Variants in SNTB2 observed in about 807,000 individuals in gnomAD.
SNTB2 encodes beta-2-syntrophin.
Under a neutral mutation model 46.2 loss-of-function variants are expected in SNTB2, and 34 were observed. The ratio of observed to expected loss-of-function variants is 0.74; its 90% confidence interval spans 0.56 to 0.98. The LOEUF (loss-of-function observed/expected upper bound fraction) is 0.98. Among genes scored for constraint, SNTB2 ranks in the 50% least tolerant of loss-of-function variants. The pLI, the probability that SNTB2 is intolerant of heterozygous loss-of-function variation, is 0.00. For missense variants in SNTB2, 603 were observed against 731.4 expected (o/e 0.82, Z 2.02); for synonymous variants, 290 against 312.6 (o/e 0.93, Z 0.76).
chr16:69,283,542 A>AT (rs1318394698), intron 4 of SNTB2, among the ~76,000 whole-genome samples: 1 of 152,304 alleles, frequency 6.6e-6, no homozygotes, highest in African/African-American at 2.4e-5. Flanking sequence ...TGATGCTAAA[A>AT]ATATATATAT....
chr16:69,282,306 CA>C (rs751287865), intron 4 of SNTB2, among the ~76,000 whole-genome samples: 208 of 112,888 alleles, frequency 1.8e-3, no homozygotes, highest in Non-Finnish European at 2.1e-3. Context: ...ACTAAAAATA[CA>C]AAAAAAAAAA....
At chr16:69,241,138 G>A (rs991410792) in intron 1 of SNTB2, among the ~76,000 whole-genome samples, 2 of 144,680 alleles carry the variant, frequency 1.4e-5, no homozygotes, top group Admixed American at 1.4e-4. Context: ...GGGATTACAG[G>A]TATGAGCCAC....
At chr16:69,188,186 C>CG (rs1964013799) in intron 1 of SNTB2, among the ~76,000 whole-genome samples, 1 of 151,644 alleles carries the variant, frequency 6.6e-6, no homozygotes, top group African/African-American at 2.4e-5. Flanking sequence ...GCGGTATGCT[C>CG]GGGCAAACCA....
At chr16:69,214,777 T>C (rs1473589567) in intron 1 of SNTB2, among the ~76,000 whole-genome samples, 1 of 152,026 alleles carries the variant, frequency 6.6e-6, no homozygotes, top group Non-Finnish European at 1.5e-5. Context: ...TCCACCCATC[T>C]CAGCCTCCCA....
intron 1 of SNTB2, among the ~76,000 whole-genome samples, chr16:69,244,332 A>C (rs1437651059): frequency 1.3e-5 from 2 of 152,226 alleles, no homozygotes; most frequent in African/African-American, 2.4e-5. Context: ...ATATACACGC[A>C]TGTGTATGTG....
rs71148976 is a variant in SNTB2 at position 69,251,468 on chromosome 16, T to TAA, written c.794+5677_794+5678dup. 3.7e-3 allele frequency among the ~76,000 whole-genome samples: 396 copies of TAA among 106,114 alleles called. 2 individuals carry two copies. The highest frequency in any genetic ancestry group is 0.011 in the African/African-American group (309 of 26,932). 69.6% of individuals were successfully genotyped at this position (106,114 alleles called of 152,430 possible). A position where few individuals can be genotyped will look rare whatever the true frequency, so the allele number is the denominator to read the frequency against. ...TTGCTGGATAGGTGCATGTTTAGTT[T>TAA]AAAAAAAAAAAAAAAAAAAAAAAAA... On this transcript the variant is annotated intron_variant, in intron 2 of 6. Transcript: ENST00000336278.
intron 2 of SNTB2, among the ~76,000 whole-genome samples, chr16:69,251,270 A>G (rs71384741): frequency 0.28 from 41,578 of 150,474 alleles, 6,364 homozygotes; most frequent in African/African-American, 0.4. Flanking sequence ...GAGCCACTGC[A>G]CCCGGCCTTG....
chr16:69,294,564 A>G (rs1341618293), intron 5 of SNTB2, among the ~76,000 whole-genome samples: 1 of 147,568 alleles, frequency 6.8e-6, no homozygotes, highest in East Asian at 2.0e-4. Context: ...TCTCTACTGA[A>G]AAAAAAAAAA....
intron 4 of SNTB2, among the ~76,000 whole-genome samples, chr16:69,278,617 G>A (rs957684866): frequency 1.3e-5 from 2 of 152,008 alleles, no homozygotes; most frequent in African/African-American, 2.4e-5. Context: ...CACCATGCCC[G>A]GCTAATTTTT....
intron 1 of SNTB2, among the ~76,000 whole-genome samples, chr16:69,212,333 T>G (rs1457345651): frequency 6.9e-6 from 1 of 144,760 alleles, no homozygotes; most frequent in East Asian, 1.9e-4. Context: ...TGTTTGTATT[T>G]ATTTATTTAT....
intron 4 of SNTB2, among the ~76,000 whole-genome samples, chr16:69,276,863 G>C (rs1347919811): frequency 6.6e-6 from 1 of 151,480 alleles, no homozygotes; most frequent in East Asian, 1.9e-4. Flanking sequence ...GACTTGCAGA[G>C]GGAAAAAAAA....
chr16:69,245,837 C>T, intron 2 of SNTB2, 22 bp downstream of exon 2: 1 of 1,606,452 alleles, frequency 6.2e-7, no homozygotes, highest in Non-Finnish European at 8.5e-7. Context: ...CTAACAAGAA[C>T]ATCATACCTA....
At chr16:69,268,961 GGAGTTT>G (rs1567411165) in intron 3 of SNTB2, among the ~76,000 whole-genome samples, 2 of 151,356 alleles carry the variant, frequency 1.3e-5, no homozygotes, top group African/African-American at 2.4e-5. Flanking sequence ...TCTAAGATCA[GGAGTTT>G]GAGACCAGCC....
intron 5 of SNTB2, among the ~76,000 whole-genome samples, chr16:69,288,102 T>C (rs1965123300): frequency 6.6e-6 from 1 of 152,056 alleles, no homozygotes. Flanking sequence ...ACTGGGATGC[T>C]CTGTGTTCCT....
chr16:69,187,176 G>GCTGCGGCGA lies in SNTB2; in HGVS notation c.19_27dup (p.Thr7_Ala9dup), dbSNP rs771173459. ...AGGCTGCCTGACTGGAATGAGGGTA[G>GCTGCGGCGA]CTGCGGCGACTGCGGCGGCTGGAGC... is the stretch of plus-strand genomic sequence containing the variant. On this transcript the variant is annotated inframe_insertion, in exon 1 of 7. Transcript: ENST00000336278. 12 of 1,373,248 alleles carry GCTGCGGCGA rather than the reference G, an allele frequency of 8.7e-6. No individual in the cohort carries two copies. Among genetic ancestry groups the GCTGCGGCGA allele is most frequent in the Middle Eastern group, 2.6e-4 (1 of 3,826 alleles). 85.1% of individuals were successfully genotyped at this position (1,373,248 alleles called of 1,614,324 possible).
In SNTB2 at chr16:69,263,207, A is replaced by G. The variant is rs866263129; in HGVS notation, c.1005+2947A>G. Among the ~76,000 whole-genome samples, 13 of 151,754 alleles carry G rather than the reference A, an allele frequency of 8.6e-5. No individual in the cohort carries two copies. The South Asian group carries it at 2.5e-3, about 29-fold the overall frequency. Reference sequence around the variant, plus strand: ...GTGCAGCCTCAACCTCCTGGGCCCAAGCAGTCCTCCCACTTCAGTATCCTG... The same window carrying G: ...GTGCAGCCTCAACCTCCTGGGCCCAGGCAGTCCTCCCACTTCAGTATCCTG... On this transcript the variant is annotated intron_variant, in intron 3 of 6. Transcript: ENST00000336278.
At position 69,266,232 on chromosome 16, in the gene SNTB2, C is replaced by T. The variant is rs183957354; in HGVS notation, c.1006-3911C>T. Among the ~76,000 whole-genome samples, 612 of 152,168 alleles carry T rather than the reference C, an allele frequency of 4.0e-3. 4 individuals carry two copies. Among genetic ancestry groups the T allele is most frequent in the African/African-American group, 0.014 (566 of 41,528 alleles). ...ATACAAAATTAGCCGGGCATGGTGG[C>T]GGACGCCTGTAATCCCGGCTACTCA... On this transcript the variant is annotated intron_variant, in intron 3 of 6. Transcript: ENST00000336278.
At chr16:69,213,757 C>A (rs1964315036) in intron 1 of SNTB2, among the ~76,000 whole-genome samples, 1 of 150,898 alleles carries the variant, frequency 6.6e-6, no homozygotes. Flanking sequence ...CTTAGCATCC[C>A]AAAGTACTGG....
chr16:69,252,993 G>A (rs112107975), intron 2 of SNTB2, among the ~76,000 whole-genome samples: 3,965 of 147,464 alleles, frequency 0.027, 58 homozygotes, highest in African/African-American at 0.037. Context: ...TCCACCTCCC[G>A]GGTTCACGCC....
Sources: gnomAD v4.1 joint callset for allele counts (sites outside exome capture counted in the v4.1 genomes callset) on GRCh38, gnomAD v4.1.1 for gene constraint, MANE v1.5 for transcripts, NCBI Gene and HGNC (gene_info 2026-07-23, HGNC 2026-07-21) for gene names.